Variants in DOCK4 observed in about 807,000 individuals in gnomAD.
The protein encoded by DOCK4 is dedicator of cytokinesis 4.
DOCK4 carries 97 observed loss-of-function variants against 268.1 expected under a neutral mutation model. The observed-to-expected ratio is 0.36, with a 90% CI of 0.31 to 0.43. The LOEUF is 0.43. DOCK4 is among the 20% of genes least tolerant of loss of function. The probability of loss-of-function intolerance (pLI) is 1.00; values close to 1 mark genes in which losing one functional copy is unlikely to be tolerated. For missense variants in DOCK4, 2,145 were observed against 2,455.7 expected (o/e 0.87, Z 2.67); for synonymous variants, 954 against 887.2 (o/e 1.08, Z -1.34).
chr7:111,989,273 C>A, intron 5 of DOCK4, 110 bp from the exon 6 acceptor site: 2 of 1,407,566 alleles, frequency 1.4e-6, no homozygotes, highest in Non-Finnish European at 1.9e-6. Context: ...TATGTGCTTG[C>A]CACTCTGGAC....
intron 13 of DOCK4, among the ~76,000 whole-genome samples, chr7:111,905,014 T>C (rs977803466): frequency 6.6e-6 from 1 of 152,304 alleles, no homozygotes; most frequent in Admixed American, 6.5e-5. Context: ...GAAAAGAGAA[T>C]ACATGACAAG....
At chr7:111,767,957 G>A (rs1797867345) in intron 37 of DOCK4, among the ~76,000 whole-genome samples, 1 of 152,048 alleles carries the variant, frequency 6.6e-6, no homozygotes, top group Non-Finnish European at 1.5e-5. Context: ...TTTAGTCTTT[G>A]AGGACCATTT....
chr7:112,037,857 G>A (rs1474741189), intron 1 of DOCK4, among the ~76,000 whole-genome samples: 1 of 152,072 alleles, frequency 6.6e-6, no homozygotes, highest in Non-Finnish European at 1.5e-5. Context: ...ATTTCCACCA[G>A]GACTGTATGA....
chr7:112,197,289 A>G (rs1374828544), intron 1 of DOCK4, among the ~76,000 whole-genome samples: 1 of 138,558 alleles, frequency 7.2e-6, no homozygotes, highest in Non-Finnish European at 1.5e-5. Flanking sequence ...GGTATTATAT[A>G]TTTACCAAAA....
At chr7:111,835,511 T>C (rs1586131085) in intron 25 of DOCK4, among the ~76,000 whole-genome samples, 1 of 152,332 alleles carries the variant, frequency 6.6e-6, no homozygotes, top group East Asian at 1.9e-4. Flanking sequence ...TGCTATCACT[T>C]GCATTTTTGA....
intron 1 of DOCK4, among the ~76,000 whole-genome samples, chr7:112,025,484 A>C (rs1322784103): frequency 1.3e-5 from 2 of 152,114 alleles, no homozygotes; most frequent in African/African-American, 4.8e-5. Context: ...GGCCAAGGAG[A>C]GGATAGCCAA....
chr7:111,815,225 A>G (rs1292100918), intron 27 of DOCK4, among the ~76,000 whole-genome samples: 1 of 152,216 alleles, frequency 6.6e-6, no homozygotes, highest in Non-Finnish European at 1.5e-5. Context: ...GCTCAGGGCT[A>G]GAAAGATCTT....
chr7:111,873,560 A>T (rs1488906513), intron 17 of DOCK4, among the ~76,000 whole-genome samples: 1 of 152,188 alleles, frequency 6.6e-6, no homozygotes, highest in Non-Finnish European at 1.5e-5. Context: ...ACTTCAAATC[A>T]CTTGTTTTAG....
intron 1 of DOCK4, among the ~76,000 whole-genome samples, chr7:112,127,854 C>T (rs1321028009): frequency 2.0e-5 from 3 of 152,076 alleles, no homozygotes; most frequent in African/African-American, 7.2e-5. Flanking sequence ...CAGGGTAAAA[C>T]CCCATCTCTA....
At chr7:111,934,523 G>GTTTTTGTT (rs1562907282) in intron 12 of DOCK4, among the ~76,000 whole-genome samples, 2 of 83,874 alleles carry the variant, frequency 2.4e-5, no homozygotes, top group African/African-American at 8.1e-5. Flanking sequence ...TTTTGTTTTT[G>GTTTTTGTT]TTTTTTTTTT....
chr7:111,775,460 C>T (rs1240926457), intron 36 of DOCK4, among the ~76,000 whole-genome samples: 1 of 152,168 alleles, frequency 6.6e-6, no homozygotes, highest in Non-Finnish European at 1.5e-5. Flanking sequence ...GACTATATAA[C>T]ACAACTATTG....
chr7:111,996,319 G>T (rs1402424557), intron 4 of DOCK4, among the ~76,000 whole-genome samples: 1 of 152,178 alleles, frequency 6.6e-6, no homozygotes, highest in Admixed American at 6.5e-5. Flanking sequence ...TTTAGGCAAG[G>T]TGACTGTTTT....
At chr7:112,123,315 G>A (rs1487740151) in intron 1 of DOCK4, among the ~76,000 whole-genome samples, 1 of 152,078 alleles carries the variant, frequency 6.6e-6, no homozygotes, top group African/African-American at 2.4e-5. Flanking sequence ...AAGGGGGAAG[G>A]TCACATAGAC....
Position 111,736,977 on chromosome 7 carries a change from T to TAA in DOCK4, c.5243_5244dup (p.Asn1749LeufsTer23). The TAA allele has an allele frequency of 6.2e-7, 1 of 1,604,106 alleles. No individual in the cohort carries two copies. The highest frequency in any genetic ancestry group is 1.1e-5 in the South Asian group (1 of 88,736). On this transcript the variant is annotated frameshift_variant, in exon 50 of 53. Coordinates refer to ENST00000428084, the MANE Select transcript of DOCK4 (RefSeq NM_001363540.2). LOFTEE classifies it high-confidence loss of function. ...GGCAAGGCCCCGTCTCCAATATGAT[T>TAA]AAACAGCATCCTCTGCAAAGTTACA...
Position 111,976,198 on chromosome 7 carries a change from ACG to A in DOCK4, c.701+932_701+933del, listed in dbSNP as rs1491269021. Among the ~76,000 whole-genome samples, 109 of 86,342 alleles carry A rather than the reference ACG, an allele frequency of 1.3e-3. 12 individuals are homozygous for A. Among genetic ancestry groups the A allele is most frequent in the African/African-American group, 6.4e-3 (100 of 15,676 alleles). The allele number at this position is 86,342 out of a possible 152,430, so 56.6% of individuals were successfully genotyped here. A position where few individuals can be genotyped will look rare whatever the true frequency, so the allele number is the denominator to read the frequency against. ...TATATACACACACACACACGCACAC[ACG>A]CACATATGTGTGTGTGTGTGTGCGT... On this transcript the variant is annotated intron_variant, in intron 8 of 52. Coordinates refer to ENST00000428084, the MANE Select transcript of DOCK4 (RefSeq NM_001363540.2).
chr7:111,819,066 G>A (rs976777960), intron 27 of DOCK4, among the ~76,000 whole-genome samples: 8 of 152,090 alleles, frequency 5.3e-5, no homozygotes, highest in African/African-American at 1.2e-4. Context: ...TTAACAAATC[G>A]CTTTTTGGCT....
chr7:111,857,025 G>C (rs1354543014), intron 23 of DOCK4, among the ~76,000 whole-genome samples: 3 of 152,134 alleles, frequency 2.0e-5, no homozygotes, highest in African/African-American at 4.8e-5. Flanking sequence ...TAGCAGAAAA[G>C]TTCTAAACAA....
At chr7:111,801,856 ATTTTTTTT>A (rs538307512) in intron 30 of DOCK4, 1 of 132,806 alleles carries the variant, frequency 7.5e-6, no homozygotes, top group East Asian at 2.2e-4. Flanking sequence ...CGCTGGGCTA[ATTTTTTTT>A]TTTTTTTTTT....
At chr7:111,906,171 T>C (rs1159290178) in intron 13 of DOCK4, among the ~76,000 whole-genome samples, 1 of 152,038 alleles carries the variant, frequency 6.6e-6, no homozygotes, top group African/African-American at 2.4e-5. Context: ...AGAAGTGACT[T>C]GAGCAAGGAA....
Sources: allele counts gnomAD v4.1 joint callset (sites outside exome capture counted in the v4.1 genomes callset), GRCh38; gene constraint gnomAD v4.1.1; transcripts MANE v1.5; gene names NCBI Gene and HGNC (gene_info 2026-07-23, HGNC 2026-07-21).